Variants in ALDH1L1 observed in about 807,000 individuals in gnomAD.
The protein encoded by ALDH1L1 is cytosolic 10-formyltetrahydrofolate dehydrogenase.
Under a neutral mutation model 101.1 loss-of-function variants are expected in ALDH1L1, and 68 were observed. That is an observed-to-expected ratio of 0.67 (90% CI 0.55 to 0.82). The LOEUF (loss-of-function observed/expected upper bound fraction) is 0.82. Among genes scored for constraint, ALDH1L1 ranks in the 40% least tolerant of loss-of-function variants. The pLI is 0.00. For synonymous variants in ALDH1L1, 486 were observed against 470.8 expected (o/e 1.03, Z -0.42); for missense variants, 1,087 against 1,172.7 (o/e 0.93, Z 1.07).
chr3:126,138,042 A>T (rs2080488535), intron 9 of ALDH1L1, 82 bp from the exon 10 acceptor site: 1 of 1,550,944 alleles, frequency 6.4e-7, no homozygotes, highest in African/African-American at 1.4e-5. Context: ...AGTGGGGCCA[A>T]ACACCCCAGA....
chr3:126,154,463 T>A, intron 6 of ALDH1L1, 91 bp downstream of exon 6: 1 of 1,322,264 alleles, frequency 7.6e-7, no homozygotes, highest in Non-Finnish European at 1.1e-6. Context: ...AGCTATTTAT[T>A]ATACCAACCA....
intron 1 of ALDH1L1, among the ~76,000 whole-genome samples, chr3:126,163,726 C>T (rs962956741): frequency 6.6e-6 from 1 of 152,136 alleles, no homozygotes; most frequent in Non-Finnish European, 1.5e-5. Flanking sequence ...AAATGTTAAG[C>T]CACCTTTGCA....
In ALDH1L1 at chr3:126,187,731, G is replaced by A. The variant is rs192843149; in HGVS notation, c.-24+10004C>T. 4.6e-5 allele frequency among the ~76,000 whole-genome samples: 7 copies of A among 152,216 alleles called. No individual in the cohort carries two copies. The East Asian group carries it at 5.8e-4, about 13-fold the overall frequency. The stretch of plus-strand genomic sequence containing the variant: ...TTGGACTGCAGATTCTGAGCTGGAC[G>A]AGGAAAATGCTGGTGAATTGAGGGA... On this transcript the variant is annotated intron_variant, in intron 1 of 2. Coordinates refer to the ALDH1L1 transcript ENST00000509952.
chr3:126,131,349 C>T (rs770579892), intron 13 of ALDH1L1, 35 bp downstream of exon 13: 13 of 1,552,006 alleles, frequency 8.4e-6, no homozygotes, highest in African/African-American at 6.8e-5. Flanking sequence ...GGCCAGTCTG[C>T]ATGTGCTCAC....
chr3:126,190,551 A>C (rs1041335722), intron 1 of ALDH1L1, among the ~76,000 whole-genome samples: 2 of 152,190 alleles, frequency 1.3e-5, no homozygotes, highest in African/African-American at 4.8e-5. Flanking sequence ...TGCACTGTTT[A>C]TTAAGTAAGT....
chr3:126,114,164 TG>T (rs1176904688), intron 18 of ALDH1L1, among the ~76,000 whole-genome samples: 4 of 152,244 alleles, frequency 2.6e-5, no homozygotes, highest in Non-Finnish European at 4.4e-5. Context: ...TACATATAGA[TG>T]GTAAAATGGT....
At chr3:126,153,761 T>C (rs2080853505) in intron 6 of ALDH1L1, among the ~76,000 whole-genome samples, 180 bp from the exon 7 acceptor site, 1 of 152,176 alleles carries the variant, frequency 6.6e-6, no homozygotes, top group East Asian at 1.9e-4. Context: ...AAACAAGACC[T>C]GGAGGAGCCT....
intron 9 of ALDH1L1, among the ~76,000 whole-genome samples, chr3:126,138,589 A>G (rs1445751365): frequency 2.6e-5 from 4 of 152,342 alleles, no homozygotes; most frequent in East Asian, 1.9e-4. Context: ...ATATAGCTTC[A>G]TATTTATTAG....
upstream of ALDH1L1, chr3:126,180,821 C>T (rs1314668044): frequency 7.2e-6 from 11 of 1,536,862 alleles, no homozygotes; most frequent in East Asian, 2.4e-4. Context: ...GGAGAATTCC[C>T]AGGGCTTTGA....
At chr3:126,189,392 C>G (rs1359113832) in intron 1 of ALDH1L1, among the ~76,000 whole-genome samples, 2 of 152,162 alleles carry the variant, frequency 1.3e-5, no homozygotes, top group Non-Finnish European at 2.9e-5. Flanking sequence ...TCATCTGCTT[C>G]CAGGAAAATT....
chr3:126,146,904 G>A lies in ALDH1L1; in HGVS notation c.1007C>T (p.Pro336Leu), dbSNP rs776548602. ...GGAGTCTTCAACCTCCAGGACTTTG[G>A]GGAGGATCCGCTGCCAAACACTCTG... ...AVRSVWQRIL[P>L]KVLEVEDSTD... Residue 336 changes from proline (P) to leucine (L), a missense_variant, in exon 9 of 23, where the codon CCC becomes CTC. Transcript: ENST00000393434. 1 of 1,613,980 alleles carries A rather than the reference G, an allele frequency of 6.2e-7. No homozygotes were observed.
chr3:126,162,018 T>A (rs1349769274), intron 1 of ALDH1L1, among the ~76,000 whole-genome samples: 1 of 152,202 alleles, frequency 6.6e-6, no homozygotes, highest in Non-Finnish European at 1.5e-5. Flanking sequence ...CCCTCAACAT[T>A]ATCTTTGTGG....
At chr3:126,170,669 C>G (rs35760681) in intron 1 of ALDH1L1, among the ~76,000 whole-genome samples, 3,343 of 152,110 alleles carry the variant, frequency 0.022, 110 homozygotes, top group African/African-American at 0.074. Flanking sequence ...CTAGAAAGAA[C>G]ATGTCCCCTC....
At position 126,113,715 on chromosome 3, in the gene ALDH1L1, A is replaced by G. The variant is rs909007001; in HGVS notation, c.2083-835T>C. On this transcript the variant is annotated intron_variant, in intron 18 of 22. Coordinates refer to ENST00000393434, the MANE Select transcript of ALDH1L1 (RefSeq NM_012190.4). ...GGTGTTAGGCCACCCTCCACGGCAC[A>G]GTGGAACTTAGATAGGGCCGGGGGC... is the stretch of plus-strand genomic sequence containing the variant. 2.2e-4 allele frequency among the ~76,000 whole-genome samples: 34 copies of G among 152,230 alleles called. 2 individuals carry two copies. The highest frequency in any genetic ancestry group is 2.2e-3 in the Admixed American group (33 of 15,294).
At position 126,141,111 on chromosome 3, in the gene ALDH1L1, T is replaced by C. The variant is rs114905507; in HGVS notation, c.1077-3151A>G. Among the ~76,000 whole-genome samples the C allele has an allele frequency of 6.9e-3, 1,045 of 152,050 alleles. 8 individuals are homozygous for C. The highest frequency in any genetic ancestry group is 0.024 in the African/African-American group (977 of 41,518). On this transcript the variant is annotated intron_variant, in intron 9 of 22. Transcript: ENST00000393434. ...GTAAAAGGATAGAGAAAATATTCCA[T>C]GCAAATAGTAACATAAAAGAGACTT...
intron 17 of ALDH1L1, 169 bp from the exon 18 acceptor site, chr3:126,114,825 C>T (rs2079925768): frequency 1.5e-6 from 1 of 664,510 alleles, no homozygotes; most frequent in Non-Finnish European, 2.8e-6. Context: ...CACACGGCCA[C>T]CTGCCTTTCC....
At chr3:126,155,652 C>A (rs139801854) in intron 4 of ALDH1L1, 149 bp from the exon 5 acceptor site, 2 of 589,474 alleles carry the variant, frequency 3.4e-6, no homozygotes, top group East Asian at 3.1e-5. Context: ...GCCATATGAA[C>A]AAGGGAGTCA....
In ALDH1L1 at chr3:126,180,490, G is replaced by T; in HGVS notation, c.-38C>A. Reference sequence around the variant, plus strand: ...CAGAAACTCACCGCGCGCAGGAGTTGGTGCGGGCGTCCCGGGCAGGTTAGA... The same window carrying T: ...CAGAAACTCACCGCGCGCAGGAGTTTGTGCGGGCGTCCCGGGCAGGTTAGA... On this transcript the variant is annotated 5_prime_UTR_variant, in exon 1 of 23. Transcript: ENST00000393434. 1.0e-6 allele frequency: 1 copy of T among 996,990 alleles called. No individual in the cohort carries two copies. 61.8% of individuals were successfully genotyped at this position (996,990 alleles called of 1,614,324 possible).
At chr3:126,180,450 G>A in intron 1 of ALDH1L1, 26 bp downstream of exon 1, 1 of 988,638 alleles carries the variant, frequency 1.0e-6, no homozygotes, top group Non-Finnish European at 1.2e-6. Context: ...CGGGAGTCCA[G>A]CGCTCTCGAG....
Sources: allele counts gnomAD v4.1 joint callset (sites outside exome capture counted in the v4.1 genomes callset), GRCh38; gene constraint gnomAD v4.1.1; transcripts MANE v1.5; gene names NCBI Gene and HGNC (gene_info 2026-07-23, HGNC 2026-07-21).